DOC2B: variants seen among roughly 807,000 people sequenced by gnomAD.
The protein encoded by DOC2B is double C2 domain beta.
DOC2B carries 21 observed loss-of-function variants against 28.9 expected under a neutral mutation model. The ratio of observed to expected loss-of-function variants is 0.73; its 90% CI spans 0.52 to 1.05. DOC2B has a LOEUF of 1.05. DOC2B is among the 50% of genes least tolerant of loss of function. DOC2B has a pLI of 0.00. For synonymous variants in DOC2B, 194 were observed against 178.1 expected, an observed-to-expected ratio of 1.09 and a Z score of -0.71; for missense variants, 384 against 421.1, an observed-to-expected ratio of 0.91 and a Z score of 0.77.
chr17:154,943 G>A (rs1004041697), intron 6 of DOC2B, among the ~76,000 whole-genome samples: 2 of 152,052 alleles, frequency 1.3e-5, no homozygotes, highest in Non-Finnish European at 2.9e-5. Flanking sequence ...TGGCCAAGCT[G>A]GTCTCAAACT....
At chr17:175,186 G>A (rs1016623343) in intron 1 of DOC2B, among the ~76,000 whole-genome samples, 3 of 152,212 alleles carry the variant, frequency 2.0e-5, no homozygotes, top group African/African-American at 4.8e-5. Flanking sequence ...TACAGTGAGT[G>A]TGATTGTGCC....
chr17:181,048 T>C lies in DOC2B; in HGVS notation c.373+59A>G. 8.4e-7 allele frequency: 1 copy of C among 1,194,922 alleles called. No homozygotes were observed. The allele number at this position is 1,194,922 out of a possible 1,614,324, so 74.0% of individuals were successfully genotyped here. A position where few individuals can be genotyped will look rare whatever the true frequency, so the allele number is the denominator to read the frequency against. ...CCGGCGGAGGGAAGCCGCGAGGCCG[T>C]GGGGGGGCCGAGCCCGAGCCAGGGG... On this transcript the variant is annotated intron_variant, in intron 1 of 8. Coordinates refer to ENST00000613549, the MANE Select transcript of DOC2B (RefSeq NM_003585.5). The surrounding 1 kb of genome is among the most constrained non-coding windows in gnomAD (Gnocchi z 7.0).
chr17:158,990 G>A (rs1555522923), intron 5 of DOC2B, among the ~76,000 whole-genome samples: 1 of 149,070 alleles, frequency 6.7e-6, no homozygotes, highest in East Asian at 2.0e-4. Flanking sequence ...GTTGAAGTAA[G>A]CCGACATTGC....
chr17:160,851 T>C (rs999204922), intron 5 of DOC2B, among the ~76,000 whole-genome samples: 6 of 152,164 alleles, frequency 3.9e-5, no homozygotes, highest in African/African-American at 1.4e-4. Context: ...AAGGATACTC[T>C]GCTGTCTCCT....
chr17:176,699 G>T (rs2040374218), intron 1 of DOC2B, among the ~76,000 whole-genome samples: 1 of 152,224 alleles, frequency 6.6e-6, no homozygotes, highest in Non-Finnish European at 1.5e-5. Flanking sequence ...TGGGCGTGAG[G>T]AGGGCCCTAA....
intron 1 of DOC2B, among the ~76,000 whole-genome samples, chr17:177,410 A>AC (rs1219995335): frequency 1.3e-5 from 2 of 152,062 alleles, no homozygotes; most frequent in Non-Finnish European, 2.9e-5. Flanking sequence ...ACTTGGCTCT[A>AC]CTGTTTTGCC....
intron 3 of DOC2B, among the ~76,000 whole-genome samples, chr17:163,007 G>A (rs891327379): frequency 6.6e-6 from 1 of 152,178 alleles, no homozygotes; most frequent in African/African-American, 2.4e-5. Flanking sequence ...CAGACAGCCT[G>A]GGCTTCCAAT....
At chr17:176,397 G>GA (rs1555524688) in intron 1 of DOC2B, among the ~76,000 whole-genome samples, 1 of 27,018 alleles carries the variant, frequency 3.7e-5, no homozygotes, top group Non-Finnish European at 1.0e-4. Context: ...TTGGTGCGGG[G>GA]GGTGCGGGGG....
intron 1 of DOC2B, among the ~76,000 whole-genome samples, chr17:180,332 C>T (rs1159082274): frequency 6.6e-6 from 1 of 152,156 alleles, no homozygotes; most frequent in Non-Finnish European, 1.5e-5. Context: ...GGCCGGGCCT[C>T]GGTCCCGGGA....
chr17:156,040 T>C, intron 6 of DOC2B, 180 bp downstream of exon 6: 4 of 636,110 alleles, frequency 6.3e-6, no homozygotes, highest in Non-Finnish European at 1.0e-5. Context: ...TCCCCATCTG[T>C]GAAATGGGCT....
intron 1 of DOC2B, among the ~76,000 whole-genome samples, chr17:177,544 T>C (rs934394953): frequency 7.9e-4 from 121 of 152,360 alleles, no homozygotes; most frequent in African/African-American, 2.7e-3. Context: ...GTCTTAGGGC[T>C]GAGCCCTCTC....
rs1555523611 is a variant in DOC2B at position 164,116 on chromosome 17, G to A, written c.528+14C>T. On this transcript the variant is annotated intron_variant, in intron 3 of 8. Coordinates refer to ENST00000613549, the MANE Select transcript of DOC2B (RefSeq NM_003585.5). ...GGGTGCAGCTGGTGGGCAGGCCTGGGTGGAACCCCTCACCTTACTGGCTCC... is the reference window on the plus strand; with the variant it reads ...GGGTGCAGCTGGTGGGCAGGCCTGGATGGAACCCCTCACCTTACTGGCTCC... The A allele has an allele frequency of 2.6e-6, 4 of 1,548,664 alleles. No individual in the cohort carries two copies. The highest frequency in any genetic ancestry group is 3.5e-6 in the Non-Finnish European group (4 of 1,144,224).
At chr17:178,026 G>A (rs369093951) in intron 1 of DOC2B, among the ~76,000 whole-genome samples, 9 of 152,218 alleles carry the variant, frequency 5.9e-5, no homozygotes, top group African/African-American at 1.9e-4. Flanking sequence ...AGGTTTCCTC[G>A]CTCTTAAACT....
At chr17:152,585 C>T (rs904839332) in intron 6 of DOC2B, among the ~76,000 whole-genome samples, 1 of 151,954 alleles carries the variant, frequency 6.6e-6, no homozygotes, top group Non-Finnish European at 1.5e-5. Flanking sequence ...CTGGCCAATA[C>T]GGCAAAACCC....
chr17:157,973 G>A (rs1291676857), intron 5 of DOC2B, among the ~76,000 whole-genome samples: 5 of 152,200 alleles, frequency 3.3e-5, no homozygotes, highest in African/African-American at 1.2e-4. Context: ...GTTCCCTGAA[G>A]GTGCTACCTG....
At chr17:178,372 C>A (rs566483639) in intron 1 of DOC2B, among the ~76,000 whole-genome samples, 13 of 152,366 alleles carry the variant, frequency 8.5e-5, no homozygotes, top group Admixed American at 4.6e-4. Context: ...ATTGTTTAAG[C>A]CACTCTGAGT....
At chr17:161,655 T>A (rs149353840) in intron 4 of DOC2B, 114 bp from the exon 5 acceptor site, 1 of 1,491,134 alleles carries the variant, frequency 6.7e-7, no homozygotes, top group African/African-American at 1.4e-5. Flanking sequence ...CCTGCCCTGG[T>A]CTGGGGTGGG....
chr17:156,048 G>T, intron 6 of DOC2B, 172 bp downstream of exon 6: 1 of 663,812 alleles, frequency 1.5e-6, no homozygotes, highest in South Asian at 2.1e-5. Context: ...TGTGAAATGG[G>T]CTGGCCATGC....
intron 5 of DOC2B, among the ~76,000 whole-genome samples, chr17:160,139 C>T (rs889129854): frequency 6.6e-6 from 1 of 152,090 alleles, no homozygotes; most frequent in African/African-American, 2.4e-5. Context: ...CATGCACCCC[C>T]ACACCCGGCT....
Sources: allele counts gnomAD v4.1 joint callset (sites outside exome capture counted in the v4.1 genomes callset), GRCh38; gene constraint gnomAD v4.1.1; non-coding constraint Gnocchi (gnomAD v3.1); transcripts MANE v1.5; gene names NCBI Gene and HGNC (gene_info 2026-07-23, HGNC 2026-07-21).